AUTS2: variants seen among roughly 807,000 people sequenced by gnomAD.
AUTS2 encodes activator of transcription and developmental regulator AUTS2, also known as autism susceptibility gene 2 protein.
AUTS2 carries 17 observed loss-of-function variants against 112.4 expected under a neutral mutation model. The ratio of observed to expected loss-of-function variants is 0.15; its 90% CI spans 0.10 to 0.23. The LOEUF (loss-of-function observed/expected upper bound fraction) is 0.23. Ranked by LOEUF, AUTS2 falls within the 10% of genes least tolerant of loss-of-function variation. The pLI is 1.00. For synonymous variants in AUTS2, 751 were observed against 702.7 expected, an observed-to-expected ratio of 1.07 and a Z score of -1.09; for missense variants, 1,510 against 1,701.6, an observed-to-expected ratio of 0.89 and a Z score of 1.98.
chr7:70,088,004 C>G lies in AUTS2; in HGVS notation c.523-30128C>G, dbSNP rs548189852. Among the ~76,000 whole-genome samples the G allele has an allele frequency of 4.8e-5, 7 of 146,276 alleles. No homozygotes were observed. In the South Asian group the frequency reaches 1.3e-3, roughly 27 times the overall value. On this transcript the variant is annotated intron_variant, in intron 2 of 18. Coordinates refer to ENST00000342771, the MANE Select transcript of AUTS2 (RefSeq NM_015570.4). Reference sequence around the variant, plus strand: ...TTTTGAAAATCTGTGCTGTTGTAACCTTTCTTATTCTTGATAGTGACAATT... The same window carrying G: ...TTTTGAAAATCTGTGCTGTTGTAACGTTTCTTATTCTTGATAGTGACAATT...
chr7:70,776,712 T>G (rs924937637), intron 13 of AUTS2: 29 of 314,014 alleles, frequency 9.2e-5, no homozygotes, highest in African/African-American at 6.1e-4. Flanking sequence ...TGAGCTCTTC[T>G]GAACAGCTGA....
At chr7:69,757,588 G>A (rs1787993052) in intron 1 of AUTS2, among the ~76,000 whole-genome samples, 1 of 152,058 alleles carries the variant, frequency 6.6e-6, no homozygotes, top group Admixed American at 6.6e-5. Flanking sequence ...CTATGATGTT[G>A]ACACAGTAAT....
chr7:70,398,533 T>C (rs1344692540), intron 4 of AUTS2, among the ~76,000 whole-genome samples: 1 of 152,176 alleles, frequency 6.6e-6, no homozygotes, highest in Non-Finnish European at 1.5e-5. Flanking sequence ...TTTAAATTTT[T>C]GATTGTTGCT....
chr7:70,777,063 A>T (rs1393774543), intron 13 of AUTS2, 40 bp from the exon 14 acceptor site: 1 of 1,598,724 alleles, frequency 6.3e-7, no homozygotes, highest in Non-Finnish European at 8.6e-7. Context: ...TTTTCTCTGA[A>T]ATGTCTTCCT....
At chr7:69,787,639 T>C (rs1789435516) in intron 1 of AUTS2, among the ~76,000 whole-genome samples, 2 of 152,328 alleles carry the variant, frequency 1.3e-5, no homozygotes, top group East Asian at 1.9e-4. Flanking sequence ...AACCTCCACC[T>C]CCTGGGTTCA....
chr7:69,609,175 T>A (rs1792887394), intron 1 of AUTS2, among the ~76,000 whole-genome samples: 1 of 152,196 alleles, frequency 6.6e-6, no homozygotes, highest in Non-Finnish European at 1.5e-5. Context: ...ACCCTATGAA[T>A]CTAGGAGTCT....
chr7:70,522,443 T>C (rs1158921413), intron 5 of AUTS2, among the ~76,000 whole-genome samples: 1 of 152,222 alleles, frequency 6.6e-6, no homozygotes, highest in East Asian at 1.9e-4. Flanking sequence ...TCTTTAGCTC[T>C]TGCCTTCTTC....
At chr7:70,388,788 G>C (rs532982463) in intron 4 of AUTS2, among the ~76,000 whole-genome samples, 3 of 152,332 alleles carry the variant, frequency 2.0e-5, no homozygotes, top group South Asian at 2.1e-4. Context: ...ATTAGGGGCA[G>C]ACCTGGACAA....
chr7:70,617,825 A>G (rs1160057900), intron 5 of AUTS2, among the ~76,000 whole-genome samples: 1 of 152,168 alleles, frequency 6.6e-6, no homozygotes, highest in African/African-American at 2.4e-5. Flanking sequence ...GCTGAAATTT[A>G]TGTCCATTTC....
At chr7:70,750,305 A>C (rs986076610) in intron 6 of AUTS2, among the ~76,000 whole-genome samples, 1 of 151,226 alleles carries the variant, frequency 6.6e-6, no homozygotes, top group African/African-American at 2.4e-5. Context: ...GAAAAAGCCT[A>C]GGATAAACTC....
chr7:70,511,439 C>T (rs1799181575), intron 5 of AUTS2, among the ~76,000 whole-genome samples: 1 of 151,734 alleles, frequency 6.6e-6, no homozygotes, highest in African/African-American at 2.4e-5. Flanking sequence ...AATAAAACAA[C>T]CTCCTAAATC....
intron 1 of AUTS2, among the ~76,000 whole-genome samples, chr7:69,710,220 G>C (rs950216171): frequency 2.0e-5 from 3 of 152,204 alleles, no homozygotes; most frequent in African/African-American, 7.2e-5. Flanking sequence ...ATCATTGTGA[G>C]AGCTATAGTT....
chr7:70,036,714 A>G (rs1267254681), intron 2 of AUTS2, among the ~76,000 whole-genome samples: 1 of 152,240 alleles, frequency 6.6e-6, no homozygotes, highest in Admixed American at 6.5e-5. Context: ...AGGGCTAGGA[A>G]TTACAGAAGA....
At chr7:69,671,169 G>A (rs572565019) in intron 1 of AUTS2, among the ~76,000 whole-genome samples, 1 of 152,268 alleles carries the variant, frequency 6.6e-6, no homozygotes, top group South Asian at 2.1e-4. Flanking sequence ...TGATTTGCTT[G>A]TGCTTCTACC....
chr7:69,619,329 T>C (rs1793543045), intron 1 of AUTS2, among the ~76,000 whole-genome samples: 1 of 152,032 alleles, frequency 6.6e-6, no homozygotes, highest in Admixed American at 6.6e-5. Context: ...TTCAGAAGTA[T>C]TGGGAGCTAC....
At chr7:70,327,736 C>T (rs1447764999) in intron 4 of AUTS2, among the ~76,000 whole-genome samples, 1 of 152,196 alleles carries the variant, frequency 6.6e-6, no homozygotes, top group Non-Finnish European at 1.5e-5. Flanking sequence ...CCTGCAAAAA[C>T]TTTCTATTCC....
At chr7:69,888,593 A>AT (rs1261605604) in intron 1 of AUTS2, among the ~76,000 whole-genome samples, 1 of 127,870 alleles carries the variant, frequency 7.8e-6, no homozygotes, top group Non-Finnish European at 1.6e-5. Flanking sequence ...TTAAATTATT[A>AT]TTTTTTTGGA....
chr7:69,660,213 A>G (rs975893167), intron 1 of AUTS2, among the ~76,000 whole-genome samples: 3 of 152,082 alleles, frequency 2.0e-5, no homozygotes, highest in Non-Finnish European at 2.9e-5. Context: ...CTGATTTTCC[A>G]TCCTGGGCCA....
intron 1 of AUTS2, among the ~76,000 whole-genome samples, chr7:69,650,546 G>A (rs1326503596): frequency 2.6e-5 from 4 of 152,172 alleles, no homozygotes; most frequent in Non-Finnish European, 4.4e-5. Context: ...GTCCCTGCCT[G>A]ATTTCCTGCC....
Sources: gnomAD v4.1 joint callset for allele counts (sites outside exome capture counted in the v4.1 genomes callset) on GRCh38, gnomAD v4.1.1 for gene constraint, MANE v1.5 for transcripts, NCBI Gene and HGNC (gene_info 2026-07-23, HGNC 2026-07-21) for gene names.